NFATC2: variants seen among roughly 807,000 people sequenced by gnomAD.
NFATC2 encodes nuclear factor of activated T cells 2.
NFATC2 carries 22 observed loss-of-function variants against 87.3 expected under a neutral mutation model. The observed-to-expected ratio is 0.25, with a 90% CI of 0.18 to 0.36. The LOEUF (loss-of-function observed/expected upper bound fraction) is 0.36. NFATC2 is among the 10% of genes least tolerant of loss of function. The pLI, the probability that NFATC2 is intolerant of heterozygous loss-of-function variation, is 1.00. For missense variants in NFATC2, 1,149 were observed against 1,259.1 expected, an observed-to-expected ratio of 0.91 and a Z score of 1.32; for synonymous variants, 565 against 542.2, an observed-to-expected ratio of 1.04 and a Z score of -0.58.
intron 1 of NFATC2, among the ~76,000 whole-genome samples, chr20:51,541,220 T>C (rs1290896200): frequency 6.6e-6 from 1 of 151,850 alleles, no homozygotes; most frequent in Admixed American, 6.6e-5. Flanking sequence ...TTGACAGGCT[T>C]CCTCCACGAG....
intron 1 of NFATC2, among the ~76,000 whole-genome samples, chr20:51,554,788 G>A (rs966170192): frequency 1.1e-4 from 17 of 152,204 alleles, no homozygotes; most frequent in African/African-American, 2.2e-4. Flanking sequence ...GATTAGCTAA[G>A]GGTGGATTTG....
intron 2 of NFATC2, among the ~76,000 whole-genome samples, chr20:51,522,650 A>G (rs1206631574): frequency 6.6e-6 from 1 of 151,582 alleles, no homozygotes; most frequent in Non-Finnish European, 1.5e-5. Context: ...TCTTATAATG[A>G]GATAGATTTT....
upstream of NFATC2, among the ~76,000 whole-genome samples, chr20:51,544,856 C>G (rs749435306): frequency 5.3e-5 from 8 of 152,200 alleles, no homozygotes; most frequent in Non-Finnish European, 7.3e-5. Context: ...GACTCAAACT[C>G]TACTGCAGGG....
intron 9 of NFATC2, among the ~76,000 whole-genome samples, chr20:51,431,049 G>A (rs879411710): frequency 1.4e-4 from 22 of 152,072 alleles, no homozygotes; most frequent in Admixed American, 1.3e-3. Flanking sequence ...TTTGCAACTC[G>A]ATGGATAAAC....
intron 3 of NFATC2, among the ~76,000 whole-genome samples, chr20:51,508,262 C>T (rs2076216302): frequency 6.6e-6 from 1 of 152,106 alleles, no homozygotes; most frequent in East Asian, 1.9e-4. Flanking sequence ...TCTCACCACG[C>T]CACCTCTCTG....
At chr20:51,421,141 T>C (rs1407639208) in intron 9 of NFATC2, among the ~76,000 whole-genome samples, 1 of 149,254 alleles carries the variant, frequency 6.7e-6, no homozygotes, top group Non-Finnish European at 1.5e-5. Flanking sequence ...AGGTAATGAA[T>C]ATAACAGGAT....
intron 2 of NFATC2, among the ~76,000 whole-genome samples, chr20:51,520,745 C>T (rs1336767445): frequency 6.6e-6 from 1 of 152,128 alleles, no homozygotes; most frequent in African/African-American, 2.4e-5. Flanking sequence ...ACTGCAACCT[C>T]CGCCTCCTGG....
chr20:51,562,717 G>A (rs1056753653), upstream of NFATC2: 8 of 1,344,602 alleles, frequency 5.9e-6, no homozygotes, highest in Non-Finnish European at 8.2e-6. The surrounding 1 kb of genome is among the most constrained non-coding windows in gnomAD (Gnocchi z 5.8). Flanking sequence ...CTTCTCTACC[G>A]CGTGCCCGCG....
chr20:51,435,115 G>C, intron 8 of NFATC2, 73 bp downstream of exon 8: 12 of 1,570,938 alleles, frequency 7.6e-6, no homozygotes, highest in Non-Finnish European at 9.5e-6. Context: ...GCTAGGAGCA[G>C]ACTTCAGGAG....
chr20:51,492,847 G>T (rs1415470503), intron 3 of NFATC2, among the ~76,000 whole-genome samples: 1 of 152,262 alleles, frequency 6.6e-6, no homozygotes, highest in Non-Finnish European at 1.5e-5. Flanking sequence ...CGCCGGCCGG[G>T]GCTGGGCCTG....
At chr20:51,440,828 G>C (rs1984225832) in intron 6 of NFATC2, among the ~76,000 whole-genome samples, 3 of 152,186 alleles carry the variant, frequency 2.0e-5, no homozygotes, top group African/African-American at 7.2e-5. Flanking sequence ...GGTCTCTAAG[G>C]GAAGTGTGCG....
Position 51,523,836 on chromosome 20 carries a change from G to C in NFATC2, c.405C>G (p.Leu135=), listed in dbSNP as rs927086598. ...CGGCCAGGGGCGGCTGCTCCACCAGGAGGCCCGCGTCTCTCATGCGGAGGG... is the reference window on the plus strand; with the variant it reads ...CGGCCAGGGGCGGCTGCTCCACCAGCAGGCCCGCGTCTCTCATGCGGAGGG... ...VGPLRMRDAG[L]LVEQPPLAGV... The change falls in exon 2 of 11, where the codon CTC becomes CTG. Residue 135 remains leucine, a synonymous_variant. Transcript: ENST00000371564. The surrounding 1 kb of genome is among the most constrained non-coding windows in gnomAD (Gnocchi z 6.9). The C allele has an allele frequency of 6.2e-7, 1 of 1,610,638 alleles. No homozygotes were observed. Among genetic ancestry groups the C allele is most frequent in the African/African-American group, 1.3e-5 (1 of 74,810 alleles).
chr20:51,557,177 AG>A (rs1351367606), intron 1 of NFATC2, among the ~76,000 whole-genome samples: 2 of 152,180 alleles, frequency 1.3e-5, no homozygotes, highest in African/African-American at 4.8e-5. Context: ...CCAAGCTCTC[AG>A]GGTTTTGTGG....
chr20:51,432,608 G>C lies in NFATC2; in HGVS notation c.2181C>G (p.Pro727=), dbSNP rs774779156. 1 of 1,528,714 alleles carries C rather than the reference G, an allele frequency of 6.5e-7. No homozygotes were observed. The highest frequency in any genetic ancestry group is 2.1e-5 in the Admixed American group (1 of 47,400). The allele number at this position is 1,528,714 out of a possible 1,614,324, so 94.7% of individuals were successfully genotyped here. A position where few individuals can be genotyped will look rare whatever the true frequency, so the allele number is the denominator to read the frequency against. Reference sequence around the variant, plus strand: ...AGAGCCCCGTGCGGAACTGCTGGCAGGGAGCCATGGTGGCCACGAGGCAGG... The same window carrying C: ...AGAGCCCCGTGCGGAACTGCTGGCACGGAGCCATGGTGGCCACGAGGCAGG... ...SPSCLVATMA[P]CQQFRTGLSS... Residue 727 remains proline, a synonymous_variant, in exon 9 of 11, where the codon CCC becomes CCG. Coordinates refer to ENST00000371564, the MANE Select transcript of NFATC2 (RefSeq NM_012340.5). The surrounding 1 kb of genome is among the most constrained non-coding windows in gnomAD (Gnocchi z 4.6).
chr20:51,428,552 A>G (rs1982208564), intron 9 of NFATC2, among the ~76,000 whole-genome samples: 1 of 152,234 alleles, frequency 6.6e-6, no homozygotes, highest in Non-Finnish European at 1.5e-5. Context: ...GGCTGAGATA[A>G]AGCACAGATG....
Position 51,443,843 on chromosome 20 carries a change from C to T in NFATC2, c.1850-8082G>A, listed in dbSNP as rs6123032. On this transcript the variant is annotated intron_variant, in intron 6 of 10. Coordinates refer to ENST00000371564, the MANE Select transcript of NFATC2 (RefSeq NM_012340.5). Reference sequence around the variant, plus strand: ...GAAAACAGCCCTTCCAAGTCTTAGTCAGAGGGGAAGAGAAAGGAGCCAACC... The same window carrying T: ...GAAAACAGCCCTTCCAAGTCTTAGTTAGAGGGGAAGAGAAAGGAGCCAACC... Among the ~76,000 whole-genome samples the T allele has an allele frequency of 1.3e-4, 20 of 151,728 alleles. 1 individual carries two copies. In the East Asian group the frequency reaches 3.1e-3, roughly 24 times the overall value.
intron 9 of NFATC2, among the ~76,000 whole-genome samples, chr20:51,417,233 T>C (rs1980171418): frequency 6.6e-6 from 1 of 152,094 alleles, no homozygotes; most frequent in South Asian, 2.1e-4. Flanking sequence ...ATTAGCATTG[T>C]TACAATATTT....
intron 2 of NFATC2, among the ~76,000 whole-genome samples, chr20:51,519,322 G>A (rs910714495): frequency 6.6e-6 from 1 of 152,056 alleles, no homozygotes; most frequent in Non-Finnish European, 1.5e-5. Context: ...GGTATTTGAT[G>A]CTGAAATACA....
intron 9 of NFATC2, among the ~76,000 whole-genome samples, chr20:51,400,557 T>C (rs549330088): frequency 1.2e-4 from 18 of 152,238 alleles, no homozygotes; most frequent in Middle Eastern, 3.4e-3. Context: ...AAGCATCACA[T>C]GATGGCTCCG....
Sources: gnomAD v4.1 joint callset for allele counts (sites outside exome capture counted in the v4.1 genomes callset) on GRCh38, gnomAD v4.1.1 for gene constraint, Gnocchi (gnomAD v3.1) non-coding constraint, MANE v1.5 for transcripts, NCBI Gene and HGNC (gene_info 2026-07-23, HGNC 2026-07-21) for gene names.